Variants in THUMPD2 observed in about 807,000 individuals in gnomAD.
THUMPD2 encodes the protein U6 snRNA (guanine-N(2))-methyltransferase THUMPD2.
THUMPD2 carries 56 observed loss-of-function variants against 49.4 expected under a neutral mutation model. The observed-to-expected ratio is 1.13, with a 90% CI of 0.91 to 1.41. The LOEUF is 1.41. Among genes scored for constraint, THUMPD2 ranks in the 40% most tolerant of loss-of-function variants. The pLI, the probability that THUMPD2 is intolerant of heterozygous loss-of-function variation, is 0.00. For missense variants in THUMPD2, 709 were observed against 594.5 expected (o/e 1.19, Z -2.00); for synonymous variants, 237 against 205.2 (o/e 1.15, Z -1.32).
chr2:39,744,425 C>T lies in THUMPD2; in HGVS notation c.1132G>A (p.Gly378Arg). ...TCTTTTCCTAACTTAAACTTTTTCCCAAATGGAATGTCAGAAATAATAATA... is the reference window on the plus strand; with the variant it reads ...TCTTTTCCTAACTTAAACTTTTTCCTAAATGGAATGTCAGAAATAATAATA... The part of the protein sequence containing the change: ...VDIIISDIPF[G>R]KKFKLGKDIK... Residue 378 changes from glycine (G) to arginine (R), a missense_variant, in exon 9 of 10, where the codon GGG becomes AGG. Gly to Arg is a moderately radical substitution (Grantham distance 125). Transcript: ENST00000505747. 1 of 1,589,304 alleles carries T rather than the reference C, an allele frequency of 6.3e-7. No individual in the cohort carries two copies. Among genetic ancestry groups the T allele is most frequent in the South Asian group, 1.2e-5 (1 of 85,868 alleles).
intron 8 of THUMPD2, among the ~76,000 whole-genome samples, chr2:39,745,968 G>T (rs1674526578): frequency 6.6e-6 from 1 of 152,126 alleles, no homozygotes; most frequent in African/African-American, 2.4e-5. Flanking sequence ...TGGGACTTTG[G>T]GAAATTACTG....
chr2:39,736,116 G>T lies in THUMPD2; in HGVS notation c.*619C>A, dbSNP rs558137776. 1 of 152,096 alleles carries T rather than the reference G, an allele frequency of 6.6e-6. No individual in the cohort carries two copies. Among genetic ancestry groups the T allele is most frequent in the Non-Finnish European group, 1.5e-5 (1 of 68,018 alleles). 9.4% of individuals were successfully genotyped at this position (152,096 alleles called of 1,614,324 possible). On this transcript the variant is annotated 3_prime_UTR_variant, in exon 10 of 10. Coordinates refer to ENST00000505747, the MANE Select transcript of THUMPD2 (RefSeq NM_025264.5). Reference sequence around the variant, plus strand: ...AGGTAGTGAACATAAGCAACAAACTGACTTTCTATATAAATAAGGGCGAGG... The same window carrying T: ...AGGTAGTGAACATAAGCAACAAACTTACTTTCTATATAAATAAGGGCGAGG...
At chr2:39,758,786 A>G (rs1458976215) in intron 6 of THUMPD2, among the ~76,000 whole-genome samples, 1 of 133,346 alleles carries the variant, frequency 7.5e-6, no homozygotes, top group African/African-American at 2.9e-5. Flanking sequence ...TGGCACATCT[A>G]AAAAAAAAAA....
chr2:39,767,573 C>CAG lies in THUMPD2; in HGVS notation c.750+849_750+850dup, dbSNP rs1408857596. On this transcript the variant is annotated intron_variant, in intron 4 of 9. Coordinates refer to ENST00000505747, the MANE Select transcript of THUMPD2 (RefSeq NM_025264.5). ...GAGCCGAGATCCCGCCACTGCACTC[C>CAG]AGCCTGGGCGACAGAGCGAGACTCC... Among the ~76,000 whole-genome samples the CAG allele has an allele frequency of 4.3e-5, 5 of 117,534 alleles. No homozygotes were observed. In the East Asian group the frequency reaches 1.5e-3, roughly 35 times the overall value. 77.1% of individuals were successfully genotyped at this position (117,534 alleles called of 152,430 possible).
intron 9 of THUMPD2, among the ~76,000 whole-genome samples, chr2:39,738,286 G>T (rs918963663): frequency 6.6e-6 from 1 of 152,178 alleles, no homozygotes; most frequent in Non-Finnish European, 1.5e-5. Flanking sequence ...CTATAGGGCC[G>T]GCATGGTGGC....
At chr2:39,748,162 C>A (rs1012904173) in intron 8 of THUMPD2, among the ~76,000 whole-genome samples, 3 of 152,132 alleles carry the variant, frequency 2.0e-5, no homozygotes, top group Non-Finnish European at 4.4e-5. Flanking sequence ...TTGTTGAATC[C>A]TTTGATTATA....
At chr2:39,774,861 A>G (rs1480781655) in intron 1 of THUMPD2, among the ~76,000 whole-genome samples, 1 of 152,212 alleles carries the variant, frequency 6.6e-6, no homozygotes, top group African/African-American at 2.4e-5. Flanking sequence ...GGTTTTATGT[A>G]TAACACTCCC....
chr2:39,757,923 G>A (rs1676349317), intron 6 of THUMPD2, among the ~76,000 whole-genome samples: 3 of 152,232 alleles, frequency 2.0e-5, no homozygotes, highest in Admixed American at 6.5e-5. Flanking sequence ...GGGTCACTTA[G>A]ATTGTGGGTC....
At chr2:39,755,136 T>TA (rs1043798811) in intron 8 of THUMPD2, among the ~76,000 whole-genome samples, 159 bp downstream of exon 8, 6 of 145,848 alleles carry the variant, frequency 4.1e-5, no homozygotes, top group Non-Finnish European at 3.0e-5. Flanking sequence ...ACTTTGAAAA[T>TA]AAAAAGGTTA....
chr2:39,772,715 C>A (rs191212261), intron 1 of THUMPD2, among the ~76,000 whole-genome samples: 137 of 152,272 alleles, frequency 9.0e-4, no homozygotes, highest in African/African-American at 3.2e-3. Flanking sequence ...TCTTGGAATT[C>A]TCTTTTTAGC....
rs182733273 is a variant in THUMPD2 at position 39,763,203 on chromosome 2, A to G, written c.804-1785T>C. On this transcript the variant is annotated intron_variant, in intron 5 of 9. Transcript: ENST00000505747. ...TTTCTCTTGTACACCTTGTACCACC[A>G]AGACAAAGACGTCCTAATCTATATC... Among the ~76,000 whole-genome samples, 30 of 152,030 alleles carry G rather than the reference A, an allele frequency of 2.0e-4. No individual in the cohort carries two copies. In the East Asian group the frequency reaches 2.9e-3, roughly 15 times the overall value.
chr2:39,756,561 A>G (rs1387702879), intron 6 of THUMPD2, among the ~76,000 whole-genome samples: 1 of 151,968 alleles, frequency 6.6e-6, no homozygotes, highest in Non-Finnish European at 1.5e-5. Flanking sequence ...CACAGGTGGT[A>G]AGGAACACGG....
chr2:39,755,919 T>A lies in THUMPD2; in HGVS notation c.933A>T (p.Thr311=), dbSNP rs1349136124. 2 of 1,613,946 alleles carry A rather than the reference T, an allele frequency of 1.2e-6. No homozygotes were observed. Among genetic ancestry groups the A allele is most frequent in the South Asian group, 2.2e-5 (2 of 91,084 alleles). The change falls in exon 7 of 10, where the codon ACA becomes ACT. Residue 311 remains threonine, a synonymous_variant. Transcript: ENST00000505747. ...FVLDPMCGLG[T]ILLEAAKEWP... ...ATTCTTTAGCAGCTTCCAAAAGTAT[T>A]GTTCCAAGTCCACACATTGGATCTA...
At chr2:39,739,394 C>A (rs1171958435) in intron 9 of THUMPD2, among the ~76,000 whole-genome samples, 1 of 152,178 alleles carries the variant, frequency 6.6e-6, no homozygotes, top group Admixed American at 6.5e-5. Context: ...TTATCACTCA[C>A]GCCCCACAGT....
At chr2:39,763,937 T>C (rs1332036550) in intron 5 of THUMPD2, among the ~76,000 whole-genome samples, 1 of 152,174 alleles carries the variant, frequency 6.6e-6, no homozygotes, top group East Asian at 1.9e-4. Flanking sequence ...TTTCTACCAC[T>C]TTCTCTATGT....
At chr2:39,764,958 G>C (rs947586613) in intron 5 of THUMPD2, among the ~76,000 whole-genome samples, 1 of 152,042 alleles carries the variant, frequency 6.6e-6, no homozygotes, top group Non-Finnish European at 1.5e-5. Flanking sequence ...ATGACGTCTT[G>C]AATGTTTCTA....
intron 3 of THUMPD2, 66 bp from the exon 4 acceptor site, chr2:39,768,567 AAACT>A: frequency 7.8e-7 from 1 of 1,280,362 alleles, no homozygotes; most frequent in South Asian, 1.2e-5. Flanking sequence ...AATGTCAGCA[AAACT>A]AACAGAGTAG....
intron 8 of THUMPD2, among the ~76,000 whole-genome samples, chr2:39,749,420 T>A (rs1416680993): frequency 6.6e-6 from 1 of 152,194 alleles, no homozygotes; most frequent in East Asian, 1.9e-4. Flanking sequence ...CCAGCTTCAT[T>A]TTGCTTAGGT....
At chr2:39,740,698 T>C (rs1053081584) in intron 9 of THUMPD2, among the ~76,000 whole-genome samples, 4 of 151,652 alleles carry the variant, frequency 2.6e-5, no homozygotes, top group African/African-American at 4.9e-5. Flanking sequence ...TGGTGTCACC[T>C]AGTTCATATA....
Sources: gnomAD v4.1 joint callset for allele counts (sites outside exome capture counted in the v4.1 genomes callset) on GRCh38, gnomAD v4.1.1 for gene constraint, MANE v1.5 for transcripts, NCBI Gene and HGNC (gene_info 2026-07-23, HGNC 2026-07-21) for gene names.